Variants in DOCK9 observed in about 807,000 individuals in gnomAD.
DOCK9 encodes dedicator of cytokinesis 9.
In DOCK9, 89 loss-of-function variants were observed where a neutral mutation model predicts 263.3. That is an observed-to-expected ratio of 0.34 (90% CI 0.28 to 0.40). The LOEUF (loss-of-function observed/expected upper bound fraction) is 0.40, where lower values mean the gene tolerates loss of function less well. Ranked by LOEUF, DOCK9 falls within the 10% of genes least tolerant of loss-of-function variation. The probability of loss-of-function intolerance (pLI) is 1.00; values close to 1 mark genes in which losing one functional copy is unlikely to be tolerated. For synonymous variants in DOCK9, 976 were observed against 973.1 expected (o/e 1.00, Z -0.06); for missense variants, 2,140 against 2,603.4 (o/e 0.82, Z 3.87).
intron 5 of DOCK9, 93 bp from the exon 6 acceptor site, chr13:98,922,239 T>A: frequency 1.1e-6 from 1 of 886,778 alleles, no homozygotes; most frequent in Non-Finnish European, 1.8e-6. Flanking sequence ...ATTCCCTTTG[T>A]GCCAAGTTGT....
intron 2 of DOCK9, among the ~76,000 whole-genome samples, chr13:98,944,728 C>A (rs554607334): frequency 6.6e-6 from 1 of 152,344 alleles, no homozygotes; most frequent in Admixed American, 6.5e-5. Flanking sequence ...GCGGGAGAAC[C>A]CTTTGAGGTG....
At chr13:98,970,829 G>C (rs1024489402) in intron 1 of DOCK9, among the ~76,000 whole-genome samples, 1 of 152,062 alleles carries the variant, frequency 6.6e-6, no homozygotes, top group African/African-American at 2.4e-5. Flanking sequence ...CTGTAGGCTG[G>C]AGCTAGGCTG....
chr13:98,911,870 A>AAC (rs1172087312), intron 9 of DOCK9, among the ~76,000 whole-genome samples: 1 of 116,598 alleles, frequency 8.6e-6, no homozygotes, highest in Admixed American at 1.0e-4. Flanking sequence ...ACATTAAAAA[A>AAC]ACACTTTTTT....
At chr13:98,869,803 T>A (rs2094140861) in intron 27 of DOCK9, among the ~76,000 whole-genome samples, 1 of 152,268 alleles carries the variant, frequency 6.6e-6, no homozygotes, top group Admixed American at 6.5e-5. Flanking sequence ...GATGCGTGCC[T>A]TGTTTAGGCC....
At chr13:98,836,433 G>C (rs1337965331) in intron 39 of DOCK9, among the ~76,000 whole-genome samples, 3 of 152,178 alleles carry the variant, frequency 2.0e-5, no homozygotes, top group African/African-American at 7.2e-5. Context: ...GCACTGTGAT[G>C]TTCAGGTCTC....
In DOCK9 at chr13:98,920,955, T is replaced by G; in HGVS notation, c.716A>C (p.Gln239Pro). 6.3e-7 allele frequency: 1 copy of G among 1,598,096 alleles called. No individual in the cohort carries two copies. The highest frequency in any genetic ancestry group is 8.5e-7 in the Non-Finnish European group (1 of 1,173,302). ...TGGTAAAACTCTTTTCATATTTACC[T>G]GAACGACACCCATACAGGAATCCAG... is the stretch of plus-strand genomic sequence containing the variant. The part of the protein sequence containing the change: ...IFLDSCMGVV[Q>P]NNKVRRFAFE... The change falls in exon 7 of 53, where the codon CAG becomes CCG. Residue 239 changes from glutamine to proline, a missense_variant and splice_region_variant. This residue lies in a region of DOCK9 where 1,521 missense variants were observed against 1,741.7 expected (regional missense o/e 0.87). Coordinates refer to ENST00000682017, the MANE Select transcript of DOCK9 (RefSeq NM_001366683.2).
chr13:98,860,985 G>A (rs2093852181), intron 32 of DOCK9, among the ~76,000 whole-genome samples: 1 of 152,166 alleles, frequency 6.6e-6, no homozygotes, highest in Admixed American at 6.5e-5. Flanking sequence ...CTCTCAGTCA[G>A]TGGAGAAATC....
chr13:98,800,189 C>G lies in DOCK9; in HGVS notation c.5916+99G>C, dbSNP rs553619005. On this transcript the variant is annotated intron_variant, in intron 50 of 52. Coordinates refer to ENST00000682017, the MANE Select transcript of DOCK9 (RefSeq NM_001366683.2). Reference sequence around the variant, plus strand: ...AGGGAGCAGGGATCACTTGGTAAACCGAGGCTCTCAAGTAGACCTTGTTAG... The same window carrying G: ...AGGGAGCAGGGATCACTTGGTAAACGGAGGCTCTCAAGTAGACCTTGTTAG... 2.7e-5 allele frequency: 35 copies of G among 1,278,362 alleles called. No homozygotes were observed. The East Asian group carries it at 8.4e-4, about 31-fold the overall frequency. The allele number at this position is 1,278,362 out of a possible 1,614,324, so 79.2% of individuals were successfully genotyped here.
chr13:98,868,161 C>A, intron 28 of DOCK9, 70 bp downstream of exon 28: 1 of 1,587,052 alleles, frequency 6.3e-7, no homozygotes. Context: ...TTCTAGTCAC[C>A]CTGCTAGACA....
At chr13:98,966,946 C>G (rs76918340) in intron 1 of DOCK9, among the ~76,000 whole-genome samples, 2,510 of 152,282 alleles carry the variant, frequency 0.016, 69 homozygotes, top group African/African-American at 0.056. Flanking sequence ...ACACATTCAC[C>G]CCAGGCCCAC....
chr13:98,901,903 A>G lies in DOCK9; in HGVS notation c.1381-3T>C. 1 of 1,611,142 alleles carries G rather than the reference A, an allele frequency of 6.2e-7. No individual in the cohort carries two copies. The highest frequency in any genetic ancestry group is 8.5e-7 in the Non-Finnish European group (1 of 1,178,722). ...GGACAAGTGACTGAAAATATTCCCTAGGAGGCAAACAATTTTCTTCAGTAA... is the reference window on the plus strand; with the variant it reads ...GGACAAGTGACTGAAAATATTCCCTGGGAGGCAAACAATTTTCTTCAGTAA... On this transcript the variant is annotated splice_region_variant and splice_polypyrimidine_tract_variant and intron_variant, in intron 12 of 52. Coordinates refer to ENST00000682017, the MANE Select transcript of DOCK9 (RefSeq NM_001366683.2).
rs1172035088 is a variant in DOCK9 at position 98,977,789 on chromosome 13, C to A, written c.121G>T (p.Val41Leu). The change falls in exon 1 of 53, where the codon GTG becomes TTG. Residue 41 changes from valine (V) to leucine (L), a missense_variant. Around this residue, in one of 2 missense-constraint regions of DOCK9, gnomAD observed 1,521 missense variants for 1,741.7 expected, o/e 0.87. Transcript: ENST00000682017. The part of the protein sequence containing the change: ...GEVEAESPGP[V>L]PAKPKLIEPL... ...TTTGTACGAGACCCTCTTACCGGCA[C>A]AGGGCCCGGGCTCTCTGCTTCCACT... The A allele has an allele frequency of 6.2e-7, 1 of 1,611,918 alleles. No homozygotes were observed.
In DOCK9 at chr13:98,853,524, TAA is replaced by T; in HGVS notation, c.3832-4_3832-3del. 1.2e-6 allele frequency: 2 copies of T among 1,603,490 alleles called. No homozygotes were observed. The highest frequency in any genetic ancestry group is 1.7e-6 in the Non-Finnish European group (2 of 1,173,414). On this transcript the variant is annotated splice_polypyrimidine_tract_variant and splice_region_variant and intron_variant, in intron 34 of 52. Transcript: ENST00000682017. ...TCCCAATGTGCTACTTTGTTGGTGC[TAA>T]AAAGAAAATACAGGTGATTTTTCTA... is the stretch of plus-strand genomic sequence containing the variant.
At chr13:99,042,440 AGAT>A (rs1888551970) in intron 1 of DOCK9, among the ~76,000 whole-genome samples, 3 of 152,210 alleles carry the variant, frequency 2.0e-5, no homozygotes, top group Non-Finnish European at 4.4e-5. Context: ...GATCCTTCCC[AGAT>A]TTCTAAATGG....
chr13:98,853,893 A>T (rs2093635564), intron 34 of DOCK9, among the ~76,000 whole-genome samples: 1 of 152,222 alleles, frequency 6.6e-6, no homozygotes, highest in South Asian at 2.1e-4. Flanking sequence ...ACCATGACTC[A>T]GAAGACACTG....
At position 98,797,097 on chromosome 13, in the gene DOCK9, A is replaced by G. The variant is rs748239509; in HGVS notation, c.6156+18T>C. On this transcript the variant is annotated intron_variant, in intron 52 of 52. Transcript: ENST00000682017. ...CTAACCAAGAACTCCAAGTTGTTGGAGCCAGTGCGGCCCTCACCTGCTCAT... is the reference window on the plus strand; with the variant it reads ...CTAACCAAGAACTCCAAGTTGTTGGGGCCAGTGCGGCCCTCACCTGCTCAT... 3.7e-6 allele frequency: 6 copies of G among 1,613,802 alleles called. No individual in the cohort carries two copies. Among genetic ancestry groups the G allele is most frequent in the Non-Finnish European group, 4.2e-6 (5 of 1,179,846 alleles).
chr13:98,812,547 A>T (rs1167770246), intron 45 of DOCK9, among the ~76,000 whole-genome samples: 1 of 152,304 alleles, frequency 6.6e-6, no homozygotes, highest in African/African-American at 2.4e-5. Context: ...GAAAGTAAAG[A>T]CTAGATCTCT....
At chr13:98,924,416 T>A (rs1030652877) in intron 4 of DOCK9, among the ~76,000 whole-genome samples, 6 of 152,274 alleles carry the variant, frequency 3.9e-5, no homozygotes, top group African/African-American at 1.4e-4. Flanking sequence ...ATATTTTCAT[T>A]GGTGATGGTT....
intron 1 of DOCK9, among the ~76,000 whole-genome samples, chr13:99,013,068 G>A (rs935756824): frequency 6.6e-6 from 1 of 152,042 alleles, no homozygotes; most frequent in African/African-American, 2.4e-5. Flanking sequence ...GAAGAGCAGT[G>A]AATAAAGCGT....
Sources: allele counts gnomAD v4.1 joint callset (sites outside exome capture counted in the v4.1 genomes callset), GRCh38; gene constraint gnomAD v4.1.1; regional missense constraint gnomAD v4.1.1; transcripts MANE v1.5; gene names NCBI Gene and HGNC (gene_info 2026-07-23, HGNC 2026-07-21).